Variants in FHIT observed in about 807,000 individuals in gnomAD.
The protein encoded by FHIT is bis(5'-adenosyl)-triphosphatase.
A neutral mutation model predicts 17.9 loss-of-function variants in FHIT; 19 were observed. The ratio of observed to expected loss-of-function variants is 1.06; its 90% CI spans 0.74 to 1.56. The LOEUF is 1.56. Among genes scored for constraint, FHIT ranks in the 40% most tolerant of loss-of-function variants. The pLI, the probability that FHIT is intolerant of heterozygous loss-of-function variation, is 0.00. For synonymous variants in FHIT, 81 were observed against 69.7 expected (o/e 1.16, Z -0.81); for missense variants, 248 against 189.2 (o/e 1.31, Z -1.82).
chr3:60,824,507 G>T (rs1224448771), intron 3 of FHIT, among the ~76,000 whole-genome samples: 1 of 152,042 alleles, frequency 6.6e-6, no homozygotes, highest in African/African-American at 2.4e-5. Context: ...AAAAGAAAAA[G>T]GTAAACAAAT....
intron 8 of FHIT, among the ~76,000 whole-genome samples, chr3:59,753,987 T>A (rs1482521731): frequency 1.3e-5 from 2 of 151,798 alleles, no homozygotes; most frequent in Non-Finnish European, 2.9e-5. Context: ...GTTGATCCTT[T>A]AAAAATAATT....
chr3:60,501,836 G>A (rs1359770285), intron 5 of FHIT, among the ~76,000 whole-genome samples: 1 of 152,216 alleles, frequency 6.6e-6, no homozygotes, highest in East Asian at 1.9e-4. Flanking sequence ...TCATATTACT[G>A]TATATTACGT....
intron 2 of FHIT, among the ~76,000 whole-genome samples, chr3:61,125,665 A>T (rs769465965): frequency 6.6e-6 from 1 of 152,192 alleles, no homozygotes; most frequent in Non-Finnish European, 1.5e-5. Context: ...TCAAGATGTA[A>T]ACAATGAAAC....
chr3:60,645,055 G>A (rs2039821490), intron 4 of FHIT, among the ~76,000 whole-genome samples: 1 of 152,022 alleles, frequency 6.6e-6, no homozygotes, highest in South Asian at 2.1e-4. Flanking sequence ...CTAGATCCCA[G>A]GTGGGTGGCC....
At chr3:61,246,854 A>C (rs2040498715) in intron 1 of FHIT, among the ~76,000 whole-genome samples, 1 of 151,946 alleles carries the variant, frequency 6.6e-6, no homozygotes, top group South Asian at 2.1e-4. Context: ...CCAGAACTTA[A>C]AGTAAAATTT....
At chr3:59,858,576 C>G (rs1047853113) in intron 8 of FHIT, among the ~76,000 whole-genome samples, 3 of 151,648 alleles carry the variant, frequency 2.0e-5, no homozygotes, top group Non-Finnish European at 1.5e-5. Context: ...GAGGCAGGAG[C>G]GAGGGGTGTC....
At chr3:60,146,715 C>G (rs1304588833) in intron 5 of FHIT, among the ~76,000 whole-genome samples, 1 of 152,112 alleles carries the variant, frequency 6.6e-6, no homozygotes. Flanking sequence ...TGCGGATGAA[C>G]ATCATGAACA....
At chr3:61,144,108 T>C (rs1239284924) in intron 2 of FHIT, among the ~76,000 whole-genome samples, 1 of 152,194 alleles carries the variant, frequency 6.6e-6, no homozygotes, top group East Asian at 1.9e-4. Flanking sequence ...ATTTTTAGTA[T>C]ATTCAGAGTT....
intron 5 of FHIT, among the ~76,000 whole-genome samples, chr3:60,444,954 A>T (rs935965500): frequency 8.5e-5 from 13 of 152,098 alleles, no homozygotes; most frequent in South Asian, 2.1e-4. Flanking sequence ...GCTGAGGAGA[A>T]ACTGCCCAAA....
At chr3:60,836,742 A>G (rs1315242780) in intron 3 of FHIT, among the ~76,000 whole-genome samples, 11 of 152,164 alleles carry the variant, frequency 7.2e-5, no homozygotes, top group African/African-American at 2.7e-4. Context: ...TAAAGGGGAA[A>G]TGGTCAGATT....
chr3:60,370,849 T>C (rs1355601351), intron 5 of FHIT, among the ~76,000 whole-genome samples: 5 of 152,226 alleles, frequency 3.3e-5, no homozygotes, highest in Non-Finnish European at 7.3e-5. Context: ...TTTGATAACA[T>C]AGTTTCCTGT....
At chr3:60,348,334 G>A (rs1710902449) in intron 5 of FHIT, among the ~76,000 whole-genome samples, 1 of 152,054 alleles carries the variant, frequency 6.6e-6, no homozygotes, top group Non-Finnish European at 1.5e-5. Context: ...ATAATAAACA[G>A]CTTGTATATA....
chr3:59,758,468 A>G (rs1195615929), intron 8 of FHIT, among the ~76,000 whole-genome samples: 2 of 152,214 alleles, frequency 1.3e-5, no homozygotes, highest in African/African-American at 2.4e-5. Flanking sequence ...CTCCGGCCCT[A>G]CAAATGCAAA....
chr3:60,665,633 T>A (rs1379329113), intron 4 of FHIT, among the ~76,000 whole-genome samples: 1 of 152,074 alleles, frequency 6.6e-6, no homozygotes, highest in Non-Finnish European at 1.5e-5. Flanking sequence ...TATATGTTTT[T>A]CCACCCTTTT....
intron 7 of FHIT, among the ~76,000 whole-genome samples, chr3:60,000,239 G>A (rs933404836): frequency 6.6e-6 from 1 of 152,204 alleles, no homozygotes; most frequent in African/African-American, 2.4e-5. Flanking sequence ...CTTAGGAAAG[G>A]ATTAATGAAA....
intron 5 of FHIT, among the ~76,000 whole-genome samples, chr3:60,322,035 T>G (rs1709456309): frequency 6.6e-6 from 1 of 152,214 alleles, no homozygotes; most frequent in African/African-American, 2.4e-5. Flanking sequence ...TTAGCAATAT[T>G]CATCCATGCT....
intron 1 of FHIT, among the ~76,000 whole-genome samples, chr3:61,234,899 T>C (rs1448522997): frequency 1.3e-5 from 2 of 152,218 alleles, no homozygotes; most frequent in African/African-American, 4.8e-5. Context: ...GATAAAGAAA[T>C]TTTATTTCCA....
intron 5 of FHIT, among the ~76,000 whole-genome samples, chr3:60,163,544 A>C (rs531567026): frequency 5.9e-5 from 9 of 152,146 alleles, no homozygotes; most frequent in African/African-American, 2.2e-4. Flanking sequence ...CCTGTCAAGA[A>C]AACTGTTCCC....
At chr3:59,819,182 C>T (rs778504624) in intron 8 of FHIT, among the ~76,000 whole-genome samples, 3 of 152,120 alleles carry the variant, frequency 2.0e-5, no homozygotes, top group African/African-American at 4.8e-5. Flanking sequence ...GCAAAGAAAC[C>T]GTTCTTTTCT....
Sources: allele counts gnomAD v4.1 joint callset (sites outside exome capture counted in the v4.1 genomes callset), GRCh38; gene constraint gnomAD v4.1.1; transcripts MANE v1.5; gene names NCBI Gene and HGNC (gene_info 2026-07-23, HGNC 2026-07-21).